CC2D2B: variants seen among roughly 807,000 people sequenced by gnomAD.
CC2D2B encodes the protein protein CC2D2B.
In CC2D2B, 128 loss-of-function variants were observed where a neutral mutation model predicts 161.2. That is an observed-to-expected ratio of 0.79 (90% CI 0.69 to 0.92). The LOEUF is 0.92. CC2D2B is among the 40% of genes least tolerant of loss of function. The pLI, the probability that CC2D2B is intolerant of heterozygous loss-of-function variation, is 0.00. For missense variants in CC2D2B, 1,173 were observed against 1,375.1 expected (o/e 0.85, Z 2.32); for synonymous variants, 391 against 449.8 (o/e 0.87, Z 1.65).
chr10:96,025,158 TATA>T, intron 33 of CC2D2B, among the ~76,000 whole-genome samples: 1 of 8,000 alleles, frequency 1.3e-4, no homozygotes, highest in African/African-American at 5.4e-4. Flanking sequence ...AAAAAAAATA[TATA>T]TATATATATA....
chr10:95,966,748 C>T (rs770126258), intron 14 of CC2D2B, among the ~76,000 whole-genome samples: 1 of 152,054 alleles, frequency 6.6e-6, no homozygotes, highest in Non-Finnish European at 1.5e-5. Flanking sequence ...CTCTGGCTCT[C>T]ATAAAAACTA....
chr10:95,956,682 G>A (rs558706313), intron 11 of CC2D2B, among the ~76,000 whole-genome samples: 6 of 152,152 alleles, frequency 3.9e-5, no homozygotes, highest in African/African-American at 1.2e-4. Context: ...CAAGGGATTG[G>A]TTCCAGAACC....
intron 11 of CC2D2B, among the ~76,000 whole-genome samples, chr10:95,958,270 T>C (rs1002474906): frequency 5.3e-5 from 8 of 152,104 alleles, no homozygotes; most frequent in Non-Finnish European, 1.2e-4. Context: ...GGTGAGCAGA[T>C]TTCTTGAGGC....
intron 30 of CC2D2B, chr10:96,018,852 C>T: frequency 6.2e-6 from 1 of 162,032 alleles, no homozygotes; most frequent in Admixed American, 6.3e-5. Flanking sequence ...AGCTATAGGG[C>T]AGTGGCATTA....
intron 3 of CC2D2B, among the ~76,000 whole-genome samples, chr10:95,923,202 A>C (rs981169697): frequency 6.6e-6 from 1 of 152,074 alleles, no homozygotes; most frequent in Non-Finnish European, 1.5e-5. Context: ...TCGGCTTCCC[A>C]AAGTGCTGGG....
In CC2D2B at chr10:95,924,193, A is replaced by G. The variant is rs1044160825; in HGVS notation, c.98-121A>G. On this transcript the variant is annotated intron_variant, in intron 3 of 34. Coordinates refer to ENST00000646931, the MANE Select transcript of CC2D2B (RefSeq NM_001349008.3). Reference sequence around the variant, plus strand: ...CTCATAAGATAATAACCTAGTTTTCATAATTGTCATGAGGCTTAGAAATGC... The same window carrying G: ...CTCATAAGATAATAACCTAGTTTTCGTAATTGTCATGAGGCTTAGAAATGC... The G allele has an allele frequency of 8.0e-6, 4 of 497,952 alleles. No individual in the cohort carries two copies. In the Admixed American group the frequency reaches 1.2e-4, roughly 15 times the overall value. The allele number at this position is 497,952 out of a possible 1,614,324, so 30.8% of individuals were successfully genotyped here.
intron 20 of CC2D2B, 121 bp from the exon 21 acceptor site, chr10:95,991,246 TCTC>T (rs1302865155): frequency 2.9e-5 from 10 of 346,754 alleles, no homozygotes; most frequent in Admixed American, 4.8e-5. Context: ...ACTTGTCTAA[TCTC>T]CTACTCCATT....
At chr10:95,916,924 T>C (rs910582307) in intron 2 of CC2D2B, among the ~76,000 whole-genome samples, 1 of 140,496 alleles carries the variant, frequency 7.1e-6, no homozygotes, top group African/African-American at 2.8e-5. Flanking sequence ...TTAGTGTAGA[T>C]AAGGTCTGAT....
At chr10:95,997,059 A>T (rs1382609441) in intron 24 of CC2D2B, among the ~76,000 whole-genome samples, 3 of 152,220 alleles carry the variant, frequency 2.0e-5, no homozygotes, top group Admixed American at 1.3e-4. Context: ...TGACATCTTG[A>T]TTTTGAACTT....
chr10:95,976,793 G>T (rs2077330668), intron 17 of CC2D2B, among the ~76,000 whole-genome samples: 1 of 152,202 alleles, frequency 6.6e-6, no homozygotes, highest in Non-Finnish European at 1.5e-5. Flanking sequence ...TTGTTGCCCA[G>T]GCTGGAGTGC....
intron 9 of CC2D2B, among the ~76,000 whole-genome samples, chr10:95,949,684 G>A (rs1242516647): frequency 1.3e-5 from 2 of 148,884 alleles, no homozygotes; most frequent in African/African-American, 5.0e-5. Flanking sequence ...AAAAAAAATA[G>A]TAAGATGATT....
intron 24 of CC2D2B, chr10:96,000,046 A>G: frequency 6.9e-7 from 1 of 1,452,998 alleles, no homozygotes; most frequent in Admixed American, 1.8e-5. Context: ...CATGTTGGGT[A>G]ACATTGTAGA....
intron 5 of CC2D2B, among the ~76,000 whole-genome samples, chr10:95,925,838 A>G (rs1470345910): frequency 6.6e-6 from 1 of 152,200 alleles, no homozygotes; most frequent in Non-Finnish European, 1.5e-5. Flanking sequence ...TTTTAGGTTG[A>G]TCTTTTAGGG....
intron 6 of CC2D2B, among the ~76,000 whole-genome samples, 196 bp from the exon 7 acceptor site, chr10:95,937,795 T>C (rs758791142): frequency 1.3e-5 from 2 of 152,176 alleles, no homozygotes; most frequent in African/African-American, 4.8e-5. Flanking sequence ...AAAAATCATA[T>C]TGTGTAATAC....
chr10:95,932,311 A>G (rs1199868698), intron 6 of CC2D2B, among the ~76,000 whole-genome samples: 2 of 152,154 alleles, frequency 1.3e-5, no homozygotes, highest in Non-Finnish European at 2.9e-5. Flanking sequence ...ACAGCACACC[A>G]ATGGGTCTTG....
chr10:95,947,078 C>CA lies in CC2D2B; in HGVS notation c.802-2813dup, dbSNP rs368168752. Reference sequence around the variant, plus strand: ...GTGCATAAATTCCAAATAGTGGACTCAAAAATATATATATATATATATATA... The same window carrying CA: ...GTGCATAAATTCCAAATAGTGGACTCAAAAAATATATATATATATATATATA... On this transcript the variant is annotated intron_variant, in intron 9 of 34. Transcript: ENST00000646931. Among the ~76,000 whole-genome samples the CA allele has an allele frequency of 1.5e-4, 8 of 52,084 alleles. 1 individual carries two copies. Among genetic ancestry groups the CA allele is most frequent in the African/African-American group, 4.9e-4 (7 of 14,300 alleles). The allele number at this position is 52,084 out of a possible 152,430, so 34.2% of individuals were successfully genotyped here.
chr10:95,944,859 T>A (rs988367474), intron 9 of CC2D2B, among the ~76,000 whole-genome samples: 1 of 152,202 alleles, frequency 6.6e-6, no homozygotes, highest in Non-Finnish European at 1.5e-5. Flanking sequence ...TAAATTGAGT[T>A]TTAAAATTCT....
intron 29 of CC2D2B, among the ~76,000 whole-genome samples, chr10:96,015,628 A>G (rs2079165560): frequency 6.6e-6 from 1 of 151,898 alleles, no homozygotes; most frequent in African/African-American, 2.4e-5. Flanking sequence ...CCCCTGCTAT[A>G]TTGCTGTGCT....
intron 14 of CC2D2B, among the ~76,000 whole-genome samples, chr10:95,967,823 TAC>T (rs2076993657): frequency 6.6e-6 from 1 of 152,094 alleles, no homozygotes; most frequent in South Asian, 2.1e-4. Context: ...TTGAGAAGGT[TAC>T]AGAGATGGAC....
Sources: allele counts gnomAD v4.1 joint callset (sites outside exome capture counted in the v4.1 genomes callset), GRCh38; gene constraint gnomAD v4.1.1; transcripts MANE v1.5; gene names NCBI Gene and HGNC (gene_info 2026-07-23, HGNC 2026-07-21).